PCSK9: variants seen among roughly 807,000 people sequenced by gnomAD.
The protein encoded by PCSK9 is proprotein convertase subtilisin/kexin type 9, also known as convertase subtilisin/kexin type 9 preproprotein.
In PCSK9, 57 loss-of-function variants were observed where a neutral mutation model predicts 62.1. The observed-to-expected ratio is 0.92, with a 90% CI of 0.74 to 1.14. The LOEUF (loss-of-function observed/expected upper bound fraction) is 1.14. Among genes scored for constraint, PCSK9 ranks in the 50% most tolerant of loss-of-function variants. The pLI is 0.00. For synonymous variants in PCSK9, 387 were observed against 409.4 expected (o/e 0.95, Z 0.66); for missense variants, 870 against 959.8 (o/e 0.91, Z 1.24).
Position 55,056,022 on chromosome 1 carries a change from G to C in PCSK9, c.829G>C (p.Val277Leu), listed in dbSNP as rs562011178. 2.5e-5 allele frequency: 41 copies of C among 1,610,174 alleles called. 2 individuals carry two copies. The African/African-American group carries it at 3.1e-4, about 12-fold the overall frequency. Residue 277 changes from valine to leucine, a missense_variant, in exon 6 of 12, where the codon GTC becomes CTC. By Grantham distance (32) the Val-to-Leu change is conservative (BLOSUM62 1). Transcript: ENST00000302118. ...GGAGTTTATTCGGAAAAGCCAGCTGGTCCAGCCTGTGGGGCCACTGGTGGT... is the reference window on the plus strand; with the variant it reads ...GGAGTTTATTCGGAAAAGCCAGCTGCTCCAGCCTGTGGGGCCACTGGTGGT... ...GLEFIRKSQL[V>L]QPVGPLVVLL...
intron 11 of PCSK9, among the ~76,000 whole-genome samples, 192 bp from the exon 12 acceptor site, chr1:55,063,177 G>C (rs1223558015): frequency 1.3e-5 from 2 of 152,122 alleles, no homozygotes; most frequent in African/African-American, 4.8e-5. Context: ...TGTTTGGTCA[G>C]CCATGGTGCA....
At chr1:55,053,464 G>A (rs1213951348) in intron 5 of PCSK9, among the ~76,000 whole-genome samples, 3 of 152,178 alleles carry the variant, frequency 2.0e-5, no homozygotes, top group Admixed American at 6.5e-5. Context: ...AATAGTTGAC[G>A]AAACCAGTCC....
rs1255778652 is a variant in PCSK9 at position 55,043,824 on chromosome 1, C to G, written c.208-19C>G. On this transcript the variant is annotated intron_variant, in intron 1 of 11. Transcript: ENST00000302118. ...TGGGTTTCTTCCATGTCATCATGTT[C>G]CTCCTTGCATGGGGCCAGGATCCGT... is the stretch of plus-strand genomic sequence containing the variant. 2 of 1,613,566 alleles carry G rather than the reference C, an allele frequency of 1.2e-6. No individual in the cohort carries two copies. Among genetic ancestry groups the G allele is most frequent in the Non-Finnish European group, 1.7e-6 (2 of 1,179,946 alleles).
rs758165193 is a variant in PCSK9, at chr1:55,043,838, G to A, written c.208-5G>A. 1 of 1,613,796 alleles carries A rather than the reference G, an allele frequency of 6.2e-7. No individual in the cohort carries two copies. Among genetic ancestry groups the A allele is most frequent in the East Asian group, 2.2e-5 (1 of 44,896 alleles). On this transcript the variant is annotated splice_polypyrimidine_tract_variant and splice_region_variant and intron_variant, in intron 1 of 11. Transcript: ENST00000302118. ...GTCATCATGTTCCTCCTTGCATGGGGCCAGGATCCGTGGAGGTTGCCTGGC... is the reference window on the plus strand; with the variant it reads ...GTCATCATGTTCCTCCTTGCATGGGACCAGGATCCGTGGAGGTTGCCTGGC...
In PCSK9 at chr1:55,058,666, C is replaced by CGTGTGTGTGTGTGTGTGTGT. The variant is rs35115360; in HGVS notation, c.1503+52_1503+71dup. 1 of 1,279,432 alleles carries CGTGTGTGTGTGTGTGTGTGT rather than the reference C, an allele frequency of 7.8e-7. No homozygotes were observed. The highest frequency in any genetic ancestry group is 1.1e-6 in the Non-Finnish European group (1 of 934,284). The allele number at this position is 1,279,432 out of a possible 1,614,324, so 79.3% of individuals were successfully genotyped here. On this transcript the variant is annotated intron_variant, in intron 9 of 11. Transcript: ENST00000302118. ...CATGGAGGTGACTGTACCCCTCCTT[C>CGTGTGTGTGTGTGTGTGTGT]GTGTGTGTGTGTGTGTGTGTGTGTG...
rs1644732868 is a variant in PCSK9, at chr1:55,058,446, T to C, written c.1355-53T>C. 3 of 1,611,706 alleles carry C rather than the reference T, an allele frequency of 1.9e-6. No individual in the cohort carries two copies. In the African/African-American group the frequency reaches 4.0e-5, roughly 22 times the overall value. ...TCCTACCATGAACTAAAGATTTCTG[T>C]GGAGGTCCCCTCACTCCCAGCACCC... On this transcript the variant is annotated intron_variant, in intron 8 of 11. Coordinates refer to ENST00000302118, the MANE Select transcript of PCSK9 (RefSeq NM_174936.4).
Position 55,063,692 on chromosome 1 carries a change from G to GA in PCSK9, c.*109dup. On this transcript the variant is annotated 3_prime_UTR_variant, in exon 12 of 12. Transcript: ENST00000302118. ...AGCCCTCCATGGCCTGGCACGAGGG[G>GA]ATGGGGATGCTTCCGCCTTTCCGGG... 7.8e-7 allele frequency: 1 copy of GA among 1,289,224 alleles called. No homozygotes were observed. Among genetic ancestry groups the GA allele is most frequent in the African/African-American group, 1.5e-5 (1 of 67,988 alleles). 79.9% of individuals were successfully genotyped at this position (1,289,224 alleles called of 1,614,324 possible). A position where few individuals can be genotyped will look rare whatever the true frequency, so the allele number is the denominator to read the frequency against.
Position 55,058,062 on chromosome 1 carries a change from G to C in PCSK9, c.1207G>C (p.Glu403Gln), listed in dbSNP as rs778562344. ...CATTGCAGCCATGATGCTGTCTGCC[G>C]AGCCGGAGCTCACCCTGGCCGAGTT... ...AGIAAMMLSA[E>Q]PELTLAELRQ... Residue 403 changes from glutamate to glutamine, a missense_variant, in exon 8 of 12, where the codon GAG (glutamate) becomes CAG (glutamine). By Grantham distance (29) the Glu-to-Gln change is conservative. Transcript: ENST00000302118. 5.0e-6 allele frequency: 8 copies of C among 1,613,792 alleles called. No homozygotes were observed. The highest frequency in any genetic ancestry group is 6.8e-6 in the Non-Finnish European group (8 of 1,180,032).
intron 3 of PCSK9, chr1:55,051,231 T>C: frequency 2.2e-6 from 1 of 456,150 alleles, no homozygotes; most frequent in East Asian, 7.0e-5. Flanking sequence ...AGAGGTGCTG[T>C]TCAGATGGCA....
chr1:55,052,104 A>G (rs1255082363), intron 3 of PCSK9, 174 bp from the exon 4 acceptor site: 3 of 918,164 alleles, frequency 3.3e-6, no homozygotes, highest in Non-Finnish European at 5.1e-6. Context: ...CTTGTCTATG[A>G]AATACATTAT....
chr1:55,055,009 GA>G (rs11302533), intron 5 of PCSK9, among the ~76,000 whole-genome samples: 76,502 of 141,394 alleles, frequency 0.54, 22,082 homozygotes, highest in East Asian at 0.76. Flanking sequence ...CGTCTGGAAA[GA>G]AAAAAAAAAA....
rs144721237 is a variant in PCSK9, at chr1:55,052,372, G to A, written c.618G>A (p.Glu206=). The change falls in exon 4 of 12, where the codon GAG becomes GAA. Residue 206 remains glutamate, a synonymous_variant. Coordinates refer to ENST00000302118, the MANE Select transcript of PCSK9 (RefSeq NM_174936.4). The part of the protein sequence containing the change: ...IEGRVMVTDF[E]NVPEEDGTRF... ...GCAGGGTCATGGTCACCGACTTCGAGAATGTGCCCGAGGAGGACGGGACCC... is the reference window on the plus strand; with the variant it reads ...GCAGGGTCATGGTCACCGACTTCGAAAATGTGCCCGAGGAGGACGGGACCC... 17 of 1,613,804 alleles carry A rather than the reference G, an allele frequency of 1.1e-5. No homozygotes were observed. Among genetic ancestry groups the A allele is most frequent in the Non-Finnish European group, 1.1e-5 (13 of 1,180,036 alleles).
intron 11 of PCSK9, among the ~76,000 whole-genome samples, chr1:55,062,872 G>A (rs1173644240): frequency 1.3e-5 from 2 of 152,168 alleles, no homozygotes; most frequent in Non-Finnish European, 2.9e-5. Flanking sequence ...GAGAAGAGAT[G>A]ACAAGGACCT....
At chr1:55,063,192 C>T (rs540108245) in intron 11 of PCSK9, among the ~76,000 whole-genome samples, 177 bp from the exon 12 acceptor site, 55 of 152,036 alleles carry the variant, frequency 3.6e-4, no homozygotes, top group Non-Finnish European at 3.8e-4. Context: ...GGTGCAGAAC[C>T]GCCTGGGTGG....
chr1:55,052,206 G>T (rs2100296013), intron 3 of PCSK9, 72 bp from the exon 4 acceptor site: 1 of 1,603,082 alleles, frequency 6.2e-7, no homozygotes, highest in South Asian at 1.1e-5. Flanking sequence ...GTGCTCTGTA[G>T]TTTCTGTGTG....
intron 4 of PCSK9, 109 bp downstream of exon 4, chr1:55,052,520 C>A: frequency 1.2e-6 from 2 of 1,602,714 alleles, no homozygotes; most frequent in South Asian, 1.1e-5. Context: ...GGGTTGCACC[C>A]CCCCCAGCTG....
rs371744393 is a variant in PCSK9 at position 55,063,450 on chromosome 1, G to A, written c.1945G>A (p.Ala649Thr). Residue 649 changes from alanine to threonine, a missense_variant, in exon 12 of 12, where the codon GCC becomes ACC. Coordinates refer to ENST00000302118, the MANE Select transcript of PCSK9 (RefSeq NM_174936.4). ...GACCTCCCACGTCCTGGGGGCCTAC[G>A]CCGTAGACAACACGTGTGTAGTCAG... ...PGTSHVLGAY[A>T]VDNTCVVRSR... 6.8e-6 allele frequency: 11 copies of A among 1,613,966 alleles called. No homozygotes were observed. Among genetic ancestry groups the A allele is most frequent in the African/African-American group, 2.7e-5 (2 of 74,942 alleles).
At chr1:55,054,961 C>T (rs1644701291) in intron 5 of PCSK9, among the ~76,000 whole-genome samples, 1 of 151,112 alleles carries the variant, frequency 6.6e-6, no homozygotes, top group South Asian at 2.1e-4. Context: ...GCCGAGATTG[C>T]GCCACTGCAC....
chr1:55,046,623 G>A lies in PCSK9; in HGVS notation c.500G>A (p.Arg167Gln), dbSNP rs779384470. The A allele has an allele frequency of 2.5e-5, 41 of 1,613,834 alleles. No individual in the cohort carries two copies. The Middle Eastern group carries it at 4.9e-4, about 19-fold the overall frequency. Residue 167 changes from arginine to glutamine, a missense_variant, in exon 3 of 12, where the codon CGG becomes CAG. Transcript: ENST00000302118. Reference protein sequence around the residue: ...NLERITPPRYRADEYQPPDGG... With the variant: ...NLERITPPRYQADEYQPPDGG... Reference sequence around the variant, plus strand: ...GAGCGGATTACCCCTCCACGGTACCGGGCGGATGAATACCAGCCCCCCGGT... The same window carrying A: ...GAGCGGATTACCCCTCCACGGTACCAGGCGGATGAATACCAGCCCCCCGGT...
Sources: allele counts gnomAD v4.1 joint callset (sites outside exome capture counted in the v4.1 genomes callset), GRCh38; gene constraint gnomAD v4.1.1; transcripts MANE v1.5; gene names NCBI Gene and HGNC (gene_info 2026-07-23, HGNC 2026-07-21).